The following INPP5A variants were observed in gnomAD, a reference collection of about 807,000 sequenced individuals.
INPP5A encodes inositol polyphosphate-5-phosphatase A.
INPP5A carries 14 observed loss-of-function variants against 65.2 expected under a neutral mutation model. The observed-to-expected ratio is 0.21, with a 90% CI of 0.14 to 0.34. The LOEUF (loss-of-function observed/expected upper bound fraction) is 0.34. Among genes scored for constraint, INPP5A ranks in the 10% least tolerant of loss-of-function variants. INPP5A has a pLI of 1.00. For missense variants in INPP5A, 431 were observed against 545.6 expected, an observed-to-expected ratio of 0.79 and a Z score of 2.09; for synonymous variants, 207 against 208.3, an observed-to-expected ratio of 0.99 and a Z score of 0.05.
chr10:132,760,389 A>AGCTCCCTGAGT (rs1846711819), intron 11 of INPP5A, among the ~76,000 whole-genome samples: 1 of 152,188 alleles, frequency 6.6e-6, no homozygotes, highest in African/African-American at 2.4e-5. Flanking sequence ...TGGGCTCCAG[A>AGCTCCCTGAGT]GCTCCCTGAG....
At chr10:132,677,242 T>G (rs1231700358) in intron 4 of INPP5A, among the ~76,000 whole-genome samples, 2 of 152,224 alleles carry the variant, frequency 1.3e-5, no homozygotes, top group Non-Finnish European at 2.9e-5. Context: ...CAGCTCACAT[T>G]GGTCTTGGAG....
chr10:132,733,292 C>T (rs1224425033), intron 9 of INPP5A, among the ~76,000 whole-genome samples: 2 of 152,330 alleles, frequency 1.3e-5, no homozygotes, highest in South Asian at 2.1e-4. Flanking sequence ...GGGGGCACAC[C>T]GTACAGCCCA....
At chr10:132,571,739 C>T (rs2071344127) in intron 1 of INPP5A, among the ~76,000 whole-genome samples, 1 of 152,182 alleles carries the variant, frequency 6.6e-6, no homozygotes, top group African/African-American at 2.4e-5. Context: ...TGAAGGGAGA[C>T]CTATCATCTC....
chr10:132,632,019 CG>C, intron 2 of INPP5A, among the ~76,000 whole-genome samples: 1 of 152,334 alleles, frequency 6.6e-6, no homozygotes, highest in East Asian at 1.9e-4. Flanking sequence ...AGCTCAGACT[CG>C]TGGGTGGAGA....
chr10:132,704,696 C>A lies in INPP5A; in HGVS notation c.475-3617C>A, dbSNP rs111424342. 2.0e-5 allele frequency among the ~76,000 whole-genome samples: 3 copies of A among 152,280 alleles called. No individual in the cohort carries two copies. In the South Asian group the frequency reaches 6.2e-4, roughly 32 times the overall value. ...GGGGCAGTGGCTGTTCCAGGTGGGC[C>A]GTCTCCCCGGAAAGTGCAGGCTGGA... On this transcript the variant is annotated intron_variant, in intron 6 of 15. Transcript: ENST00000368594. The surrounding 1 kb of genome is among the most constrained non-coding windows in gnomAD (Gnocchi z 4.5).
rs946850752 is a variant in INPP5A at position 132,538,608 on chromosome 10, C to T, written c.75+437C>T. On this transcript the variant is annotated intron_variant, in intron 1 of 15. Coordinates refer to ENST00000368594, the MANE Select transcript of INPP5A (RefSeq NM_005539.5). The surrounding 1 kb of genome is among the most constrained non-coding windows in gnomAD (Gnocchi z 4.1). The stretch of plus-strand genomic sequence containing the variant: ...GCCCTGATTTCCGAATCCTCAGAAC[C>T]CTGGCCCTGGAATGCCCATCCCCAA... 3.0e-4 allele frequency among the ~76,000 whole-genome samples: 45 copies of T among 152,286 alleles called. No individual in the cohort carries two copies. The highest frequency in any genetic ancestry group is 1.0e-3 in the African/African-American group (42 of 41,546).
intron 1 of INPP5A, among the ~76,000 whole-genome samples, chr10:132,596,422 ATGTTT>A (rs975013781): frequency 8.7e-5 from 13 of 149,874 alleles, no homozygotes; most frequent in African/African-American, 2.0e-4. Context: ...GTGTGTGTGC[ATGTTT>A]TGTTTTGTTT....
At chr10:132,689,430 C>T (rs1714275118) in intron 4 of INPP5A, among the ~76,000 whole-genome samples, 2 of 152,248 alleles carry the variant, frequency 1.3e-5, no homozygotes, top group South Asian at 2.1e-4. Context: ...ACACAGCTAT[C>T]TCCTATGAGA....
At chr10:132,711,205 C>T (rs1381378640) in intron 8 of INPP5A, among the ~76,000 whole-genome samples, 2 of 152,236 alleles carry the variant, frequency 1.3e-5, no homozygotes, top group South Asian at 2.1e-4. Context: ...GCCCCTGCCC[C>T]CCAGTGCTCC....
At chr10:132,539,746 G>A in intron 1 of INPP5A, among the ~76,000 whole-genome samples, 1 of 148,584 alleles carries the variant, frequency 6.7e-6, no homozygotes, top group Non-Finnish European at 1.5e-5. Flanking sequence ...TATGACGGAT[G>A]TGTGCCACTG....
At position 132,551,819 on chromosome 10, in the gene INPP5A, C is replaced by T. The variant is rs549791737; in HGVS notation, c.75+13648C>T. On this transcript the variant is annotated intron_variant, in intron 1 of 15. Coordinates refer to ENST00000368594, the MANE Select transcript of INPP5A (RefSeq NM_005539.5). This position sits in a 1 kb window ranked among gnomAD's most constrained non-coding sequence, Gnocchi z 5.3. ...GACTGACCAAGACTGTCAGAAGAGC[C>T]AGCCGGGGTCTTCTCTGAATAGTCG... 6.6e-6 allele frequency among the ~76,000 whole-genome samples: 1 copy of T among 152,310 alleles called. No individual in the cohort carries two copies. Among genetic ancestry groups the T allele is most frequent in the South Asian group, 2.1e-4 (1 of 4,828 alleles).
At chr10:132,685,504 G>A (rs979437733) in intron 4 of INPP5A, among the ~76,000 whole-genome samples, 1 of 152,268 alleles carries the variant, frequency 6.6e-6, no homozygotes, top group Non-Finnish European at 1.5e-5. Flanking sequence ...TTTTGTGCAC[G>A]AGGGAGCTGG....
intron 2 of INPP5A, among the ~76,000 whole-genome samples, chr10:132,638,788 G>A (rs2072390475): frequency 6.6e-6 from 1 of 152,116 alleles, no homozygotes; most frequent in Admixed American, 6.5e-5. Context: ...GGCTGGTCTC[G>A]AACTTCTGAC....
In INPP5A at chr10:132,545,049, C is replaced by T. The variant is rs923979112; in HGVS notation, c.75+6878C>T. ...GTCTGCACGTAGGCGTGGTCACGTCCGTCCCTGTTGCCTGCGCTGCTCCGA... is the reference window on the plus strand; with the variant it reads ...GTCTGCACGTAGGCGTGGTCACGTCTGTCCCTGTTGCCTGCGCTGCTCCGA... On this transcript the variant is annotated intron_variant, in intron 1 of 15. Transcript: ENST00000368594. This position sits in a 1 kb window ranked among gnomAD's most constrained non-coding sequence, Gnocchi z 4.6. Among the ~76,000 whole-genome samples, 32 of 152,238 alleles carry T rather than the reference C, an allele frequency of 2.1e-4. No individual in the cohort carries two copies. The highest frequency in any genetic ancestry group is 7.0e-4 in the African/African-American group (29 of 41,528).
intron 11 of INPP5A, among the ~76,000 whole-genome samples, chr10:132,758,271 C>G (rs111866992): frequency 1.4e-4 from 15 of 109,892 alleles, no homozygotes; most frequent in Admixed American, 1.8e-4. Context: ...TGGCGTGGGT[C>G]CCCGGCCGAC....
intron 9 of INPP5A, among the ~76,000 whole-genome samples, chr10:132,735,165 CG>C (rs1181941136): frequency 6.6e-6 from 1 of 152,186 alleles, no homozygotes; most frequent in Non-Finnish European, 1.5e-5. Flanking sequence ...TGCAACCCCC[CG>C]TGTGGAGATA....
At chr10:132,681,980 G>GA (rs1363540179) in intron 4 of INPP5A, among the ~76,000 whole-genome samples, 1 of 152,222 alleles carries the variant, frequency 6.6e-6, no homozygotes, top group Non-Finnish European at 1.5e-5. Context: ...GAGGTACTCG[G>GA]ATTAGTCAAA....
At chr10:132,608,330 C>T (rs533387620) in intron 2 of INPP5A, among the ~76,000 whole-genome samples, 2 of 152,360 alleles carry the variant, frequency 1.3e-5, no homozygotes, top group East Asian at 1.9e-4. Flanking sequence ...AGGTCCGGTC[C>T]GTGCAGCGCA....
chr10:132,667,331 A>G (rs564554070), intron 4 of INPP5A, among the ~76,000 whole-genome samples: 55 of 152,350 alleles, frequency 3.6e-4, no homozygotes, highest in Middle Eastern at 3.4e-3. Flanking sequence ...TCAAGCCATT[A>G]CTGTTGAAGC....
Sources: allele counts gnomAD v4.1 joint callset (sites outside exome capture counted in the v4.1 genomes callset), GRCh38; gene constraint gnomAD v4.1.1; non-coding constraint Gnocchi (gnomAD v3.1); transcripts MANE v1.5; gene names NCBI Gene and HGNC (gene_info 2026-07-23, HGNC 2026-07-21).